The following BTRC variants were observed in gnomAD, a reference collection of about 807,000 sequenced individuals.
BTRC encodes the protein F-box/WD repeat-containing protein 1A.
Under a neutral mutation model 85.5 loss-of-function variants are expected in BTRC, and 42 were observed. The observed-to-expected ratio is 0.49, with a 90% confidence interval of 0.38 to 0.64. The LOEUF is 0.64. BTRC is among the 30% of genes least tolerant of loss of function. The probability of loss-of-function intolerance (pLI) is 0.00; values close to 1 mark genes in which losing one functional copy is unlikely to be tolerated. For synonymous variants in BTRC, 255 were observed against 263.3 expected, an observed-to-expected ratio of 0.97 and a Z score of 0.30; for missense variants, 594 against 743.5, an observed-to-expected ratio of 0.80 and a Z score of 2.34.
intron 1 of BTRC, among the ~76,000 whole-genome samples, chr10:101,420,050 A>G (rs934508823): frequency 1.6e-4 from 2 of 12,152 alleles, no homozygotes; most frequent in African/African-American, 5.4e-4. Flanking sequence ...GTCTGTGGGT[A>G]TATGTGTACA....
At chr10:101,508,880 C>T (rs1228542485) in intron 4 of BTRC, among the ~76,000 whole-genome samples, 1 of 127,246 alleles carries the variant, frequency 7.9e-6, no homozygotes, top group African/African-American at 2.8e-5. Flanking sequence ...TGCCACTGCA[C>T]TCCAGTCTGG....
chr10:101,543,404 G>A (rs958254570), intron 13 of BTRC, among the ~76,000 whole-genome samples: 1 of 148,500 alleles, frequency 6.7e-6, no homozygotes, highest in Admixed American at 6.7e-5. Flanking sequence ...ATATGCCTGT[G>A]TCTTTATATT....
chr10:101,532,247 A>G, intron 7 of BTRC, 48 bp from the exon 8 acceptor site: 1 of 1,567,378 alleles, frequency 6.4e-7, no homozygotes, highest in South Asian at 1.2e-5. Flanking sequence ...AAAGAGTTTG[A>G]TTCTAGGTGT....
chr10:101,462,143 A>G, intron 3 of BTRC, 85 bp downstream of exon 3: 1 of 1,122,810 alleles, frequency 8.9e-7, no homozygotes, highest in South Asian at 1.3e-5. Flanking sequence ...GCCATTCTTT[A>G]AGCACTGGAG....
At chr10:101,459,626 A>G (rs1945170363) in intron 2 of BTRC, among the ~76,000 whole-genome samples, 1 of 152,210 alleles carries the variant, frequency 6.6e-6, no homozygotes, top group African/African-American at 2.4e-5. Flanking sequence ...TTTTAACAAT[A>G]CCATTTAAAT....
intron 13 of BTRC, among the ~76,000 whole-genome samples, chr10:101,541,302 C>G (rs1388138131): frequency 1.3e-5 from 2 of 152,074 alleles, no homozygotes; most frequent in East Asian, 3.9e-4. Context: ...CTCTTTCACC[C>G]AGGCTGGAGT....
intron 4 of BTRC, among the ~76,000 whole-genome samples, chr10:101,482,389 G>GT (rs1945858727): frequency 8.5e-6 from 1 of 117,224 alleles, no homozygotes; most frequent in Non-Finnish European, 1.8e-5. Flanking sequence ...TTGTTTGTTT[G>GT]TTTCTTTTTT....
At chr10:101,399,373 GC>G (rs1943442283) in intron 1 of BTRC, among the ~76,000 whole-genome samples, 4 of 99,514 alleles carry the variant, frequency 4.0e-5, no homozygotes, top group Admixed American at 1.1e-4. Flanking sequence ...ATTCCCTTTT[GC>G]TGTTATTTAA....
At chr10:101,459,078 G>T (rs1419948963) in intron 2 of BTRC, among the ~76,000 whole-genome samples, 1 of 152,144 alleles carries the variant, frequency 6.6e-6, no homozygotes, top group Non-Finnish European at 1.5e-5. Flanking sequence ...GGGATTACAC[G>T]CATATGCCAA....
chr10:101,432,244 CA>C (rs1183284629), intron 2 of BTRC, among the ~76,000 whole-genome samples: 1 of 151,810 alleles, frequency 6.6e-6, no homozygotes, highest in Non-Finnish European at 1.5e-5. Context: ...CCTCCTACCT[CA>C]AACTTCCGGG....
At chr10:101,391,531 C>T (rs1184875056) in intron 1 of BTRC, among the ~76,000 whole-genome samples, 2 of 152,172 alleles carry the variant, frequency 1.3e-5, no homozygotes, top group Non-Finnish European at 2.9e-5. Context: ...CGTAGTTCAG[C>T]CTTCCCAAAA....
intron 1 of BTRC, among the ~76,000 whole-genome samples, chr10:101,395,194 ACT>A (rs1419753339): frequency 6.6e-6 from 1 of 151,884 alleles, no homozygotes; most frequent in East Asian, 1.9e-4. Flanking sequence ...AATACAGCAA[ACT>A]CTAAGGAAAG....
At chr10:101,412,930 A>T (rs149015483) in intron 1 of BTRC, among the ~76,000 whole-genome samples, 1 of 152,354 alleles carries the variant, frequency 6.6e-6, no homozygotes, top group African/African-American at 2.4e-5. Flanking sequence ...GCCAACAGAT[A>T]TGAAACAAAG....
chr10:101,466,110 G>T (rs1470476442), intron 3 of BTRC, among the ~76,000 whole-genome samples: 3 of 152,148 alleles, frequency 2.0e-5, no homozygotes, highest in Admixed American at 6.5e-5. Flanking sequence ...TCAACTCTTT[G>T]CTTCTCATTG....
chr10:101,529,570 A>T, intron 6 of BTRC, among the ~76,000 whole-genome samples: 1 of 152,220 alleles, frequency 6.6e-6, no homozygotes. Flanking sequence ...TGTACCATTA[A>T]TCTGGAATTC....
At chr10:101,456,712 T>C (rs964548467) in intron 2 of BTRC, among the ~76,000 whole-genome samples, 1 of 152,198 alleles carries the variant, frequency 6.6e-6, no homozygotes, top group African/African-American at 2.4e-5. Context: ...TGTTACTGTA[T>C]CTGCAGGTGT....
At chr10:101,531,193 T>C (rs998858493) in intron 6 of BTRC, 44 bp from the exon 7 acceptor site, 2 of 1,421,072 alleles carry the variant, frequency 1.4e-6, no homozygotes, top group Non-Finnish European at 2.0e-6. Context: ...TATTTAAATA[T>C]ATAATGTCAT....
chr10:101,410,822 T>C (rs1293542153), intron 1 of BTRC, among the ~76,000 whole-genome samples: 2 of 152,144 alleles, frequency 1.3e-5, no homozygotes, highest in African/African-American at 4.8e-5. Context: ...TCACTTCACA[T>C]ATACTGTATT....
At chr10:101,513,011 A>T (rs1405882899) in intron 4 of BTRC, among the ~76,000 whole-genome samples, 3 of 152,194 alleles carry the variant, frequency 2.0e-5, no homozygotes, top group Non-Finnish European at 4.4e-5. Context: ...ACCAGTAACC[A>T]TTATATCTCT....
Sources: allele counts gnomAD v4.1 joint callset (sites outside exome capture counted in the v4.1 genomes callset), GRCh38; gene constraint gnomAD v4.1.1; transcripts MANE v1.5; gene names NCBI Gene and HGNC (gene_info 2026-07-23, HGNC 2026-07-21).